GPR39: variants seen among roughly 807,000 people sequenced by gnomAD.
GPR39 encodes G protein-coupled receptor 39.
GPR39 carries 23 observed loss-of-function variants against 18.4 expected under a neutral mutation model. The ratio of observed to expected loss-of-function variants is 1.25; its 90% CI spans 0.90 to 1.77. The LOEUF is 1.77. Ranked by LOEUF, GPR39 falls within the 40% of genes most tolerant of loss-of-function variation. The pLI, the probability that GPR39 is intolerant of heterozygous loss-of-function variation, is 0.00. For missense variants in GPR39, 647 were observed against 602.4 expected (o/e 1.07, Z -0.78); for synonymous variants, 280 against 257.9 (o/e 1.09, Z -0.82).
chr2:132,538,281 G>T (rs1679795708), intron 1 of GPR39, among the ~76,000 whole-genome samples: 2 of 152,160 alleles, frequency 1.3e-5, no homozygotes, highest in South Asian at 2.1e-4. Context: ...TGCTTTGTTA[G>T]TTTTTCTTCC....
intron 1 of GPR39, among the ~76,000 whole-genome samples, chr2:132,521,556 A>G (rs1442406880): frequency 6.6e-6 from 1 of 152,188 alleles, no homozygotes; most frequent in Non-Finnish European, 1.5e-5. Context: ...CTTCAGATCC[A>G]GAATGAAAAT....
chr2:132,497,916 T>C (rs973147605), intron 1 of GPR39, among the ~76,000 whole-genome samples: 1 of 152,182 alleles, frequency 6.6e-6, no homozygotes, highest in Admixed American at 6.5e-5. Context: ...CTGTGCCCTA[T>C]TAAAATGTAT....
At chr2:132,594,919 C>G (rs1428385223) in intron 1 of GPR39, among the ~76,000 whole-genome samples, 3 of 152,196 alleles carry the variant, frequency 2.0e-5, no homozygotes, top group Non-Finnish European at 4.4e-5. Context: ...TGGTGAAGCA[C>G]TTGAAATACT....
intron 1 of GPR39, among the ~76,000 whole-genome samples, chr2:132,490,969 C>T (rs1383762449): frequency 1.3e-5 from 2 of 152,174 alleles, no homozygotes; most frequent in African/African-American, 4.8e-5. Flanking sequence ...GGCCCGCGAG[C>T]TGAATTCATA....
chr2:132,490,334 A>T (rs1681432376), intron 1 of GPR39, among the ~76,000 whole-genome samples: 1 of 151,994 alleles, frequency 6.6e-6, no homozygotes, highest in Admixed American at 6.6e-5. Flanking sequence ...TATTCTTAAT[A>T]ATCTAAAGAA....
At chr2:132,448,779 T>C (rs537341713) in intron 1 of GPR39, among the ~76,000 whole-genome samples, 8 of 152,316 alleles carry the variant, frequency 5.3e-5, no homozygotes, top group East Asian at 1.9e-4. Flanking sequence ...TGCCACCAAC[T>C]CACTTCTAAG....
chr2:132,534,770 A>G (rs1679717568), intron 1 of GPR39, among the ~76,000 whole-genome samples: 2 of 152,092 alleles, frequency 1.3e-5, no homozygotes, highest in African/African-American at 2.4e-5. Flanking sequence ...TTTCTCACTC[A>G]TAGGTGGGAA....
At chr2:132,459,328 A>G (rs1196044201) in intron 1 of GPR39, among the ~76,000 whole-genome samples, 1 of 152,204 alleles carries the variant, frequency 6.6e-6, no homozygotes, top group Non-Finnish European at 1.5e-5. Context: ...CTCTTTCTTC[A>G]TTAATAGAAA....
intron 1 of GPR39, among the ~76,000 whole-genome samples, chr2:132,603,949 G>A (rs1027008481): frequency 2.0e-5 from 3 of 152,144 alleles, no homozygotes; most frequent in African/African-American, 7.2e-5. Flanking sequence ...ACAGGAAAAT[G>A]TATGTGCACA....
chr2:132,495,646 A>G (rs1681627257), intron 1 of GPR39, among the ~76,000 whole-genome samples: 1 of 152,156 alleles, frequency 6.6e-6, no homozygotes, highest in Admixed American at 6.5e-5. Context: ...AGCCAGCAAT[A>G]AATGGAACTT....
intron 1 of GPR39, among the ~76,000 whole-genome samples, chr2:132,564,550 C>T (rs1680312085): frequency 6.6e-6 from 1 of 152,104 alleles, no homozygotes; most frequent in Admixed American, 6.5e-5. Flanking sequence ...ATTCTGTTTT[C>T]TCACCCCTTC....
At chr2:132,469,432 A>C (rs529229250) in intron 1 of GPR39, among the ~76,000 whole-genome samples, 1 of 152,276 alleles carries the variant, frequency 6.6e-6, no homozygotes, top group East Asian at 1.9e-4. Flanking sequence ...GTGCTTTTGG[A>C]ATACATTACA....
At chr2:132,607,603 A>G (rs768828469) in intron 1 of GPR39, among the ~76,000 whole-genome samples, 30 of 152,226 alleles carry the variant, frequency 2.0e-4, no homozygotes, top group Middle Eastern at 3.4e-3. Context: ...CAAGAGGCAA[A>G]TTTTATCTGG....
In GPR39 at chr2:132,417,415, C is replaced by T; in HGVS notation, c.373C>T (p.His125Tyr). The change falls in exon 1 of 2, where the codon CAC becomes TAC. Residue 125 changes from histidine (H) to tyrosine (Y), a missense_variant. Coordinates refer to ENST00000329321, the MANE Select transcript of GPR39 (RefSeq NM_001508.3). Reference protein sequence around the residue: ...FEACSYATLLHVLTLSFERYI... With the variant: ...FEACSYATLLYVLTLSFERYI... ...GGCCTGCAGCTACGCTACGCTGCTG[C>T]ACGTGCTGACACTCAGCTTTGAGCG... 6.2e-7 allele frequency: 1 copy of T among 1,614,194 alleles called. No homozygotes were observed. The highest frequency in any genetic ancestry group is 8.5e-7 in the Non-Finnish European group (1 of 1,180,036).
chr2:132,432,052 A>G (rs1680232963), intron 1 of GPR39, among the ~76,000 whole-genome samples: 1 of 152,140 alleles, frequency 6.6e-6, no homozygotes, highest in Admixed American at 6.5e-5. Flanking sequence ...TCCAAGGCCA[A>G]CATCTTCAGA....
intron 1 of GPR39, among the ~76,000 whole-genome samples, chr2:132,544,756 A>G (rs760111439): frequency 3.9e-5 from 6 of 152,176 alleles, no homozygotes; most frequent in Non-Finnish European, 8.8e-5. Context: ...GAATGAGGTT[A>G]TACTGACAAT....
intron 1 of GPR39, among the ~76,000 whole-genome samples, chr2:132,559,838 G>A (rs1006950782): frequency 6.6e-6 from 1 of 152,114 alleles, no homozygotes; most frequent in Admixed American, 6.6e-5. Context: ...TTCTGAATGA[G>A]ACTTGAGAGA....
chr2:132,492,620 A>G (rs954683636), intron 1 of GPR39, among the ~76,000 whole-genome samples: 1 of 142,024 alleles, frequency 7.0e-6, no homozygotes, highest in Admixed American at 7.0e-5. Context: ...CCATCTATAT[A>G]TACAATATAT....
chr2:132,445,669 T>TTTTTGCC lies in GPR39; in HGVS notation c.856+27771_856+27772insTTTTGCC, dbSNP rs1553447981. ...TTGTGTCTTCGCTTCTATGACAAAT[T>TTTTTGCC]GTTTGCCATACCTGTGATTTATTTT... On this transcript the variant is annotated intron_variant, in intron 1 of 1. Coordinates refer to ENST00000329321, the MANE Select transcript of GPR39 (RefSeq NM_001508.3). Among the ~76,000 whole-genome samples the TTTTTGCC allele has an allele frequency of 2.4e-4, 37 of 151,448 alleles. No homozygotes were observed. The East Asian group carries it at 6.6e-3, about 27-fold the overall frequency.
Sources: allele counts gnomAD v4.1 joint callset (sites outside exome capture counted in the v4.1 genomes callset), GRCh38; gene constraint gnomAD v4.1.1; transcripts MANE v1.5; gene names NCBI Gene and HGNC (gene_info 2026-07-23, HGNC 2026-07-21).